Variants in KAT2B observed in about 807,000 individuals in gnomAD.
The protein encoded by KAT2B is histone acetyltransferase KAT2B.
A neutral mutation model predicts 105.9 loss-of-function variants in KAT2B; 36 were observed. The ratio of observed to expected loss-of-function variants is 0.34; its 90% CI spans 0.26 to 0.45. The LOEUF (loss-of-function observed/expected upper bound fraction) is 0.45, where lower values mean the gene tolerates loss of function less well. KAT2B is among the 20% of genes least tolerant of loss of function. The pLI, the probability that KAT2B is intolerant of heterozygous loss-of-function variation, is 1.00. For missense variants in KAT2B, 820 were observed against 1,021.6 expected (o/e 0.80, Z 2.69); for synonymous variants, 397 against 377.9 (o/e 1.05, Z -0.59).
At chr3:20,054,677 T>A (rs1329741525) in intron 1 of KAT2B, among the ~76,000 whole-genome samples, 1 of 152,198 alleles carries the variant, frequency 6.6e-6, no homozygotes, top group African/African-American at 2.4e-5. Context: ...GAGACCTGAG[T>A]AATATCATAG....
intron 6 of KAT2B, among the ~76,000 whole-genome samples, chr3:20,112,801 T>A (rs1699144108): frequency 6.6e-6 from 1 of 152,214 alleles, no homozygotes; most frequent in South Asian, 2.1e-4. Context: ...AAACTAGATT[T>A]TTATTATTCA....
intron 1 of KAT2B, among the ~76,000 whole-genome samples, chr3:20,065,324 G>A (rs1042374887): frequency 5.9e-5 from 9 of 152,166 alleles, no homozygotes; most frequent in Non-Finnish European, 1.0e-4. Flanking sequence ...TTGTCCTTCA[G>A]CTGGTACTTC....
Position 20,101,485 on chromosome 3 carries a change from T to A in KAT2B, c.851+17T>A, listed in dbSNP as rs1378970884. ...CTACACAAGGTAATCAGATGCAAGT[T>A]CTTTTCCTTTGGCCCCATAAAGCCT... On this transcript the variant is annotated intron_variant, in intron 5 of 17. Coordinates refer to ENST00000263754, the MANE Select transcript of KAT2B (RefSeq NM_003884.5). 1 of 1,610,638 alleles carries A rather than the reference T, an allele frequency of 6.2e-7. No individual in the cohort carries two copies. Among genetic ancestry groups the A allele is most frequent in the Non-Finnish European group, 8.5e-7 (1 of 1,177,208 alleles).
At position 20,136,949 on chromosome 3, in the gene KAT2B, G is replaced by C; in HGVS notation, c.1757G>C (p.Gly586Ala). The change falls in exon 12 of 18, where the codon GGA becomes GCA. Residue 586 changes from glycine (G) to alanine (A), a missense_variant. Physicochemically the swap from Gly to Ala is moderately conservative, Grantham distance 60 (BLOSUM62 0). Coordinates refer to ENST00000263754, the MANE Select transcript of KAT2B (RefSeq NM_003884.5). Reference protein sequence around the residue: ...VTSNEQVKGYGTHLMNHLKEY... With the variant: ...VTSNEQVKGYATHLMNHLKEY... The stretch of plus-strand genomic sequence containing the variant: ...ATACTAACTTCCACACAGGGCTATG[G>C]AACACACCTGATGAATCATTTGAAA... 1 of 1,595,602 alleles carries C rather than the reference G, an allele frequency of 6.3e-7. No homozygotes were observed. Among genetic ancestry groups the C allele is most frequent in the Non-Finnish European group, 8.6e-7 (1 of 1,163,670 alleles).
At chr3:20,053,271 C>A (rs370017886) in intron 1 of KAT2B, among the ~76,000 whole-genome samples, 9 of 152,148 alleles carry the variant, frequency 5.9e-5, no homozygotes, top group South Asian at 4.1e-4. Flanking sequence ...CGCCTGTAAT[C>A]CCAGGTGTGG....
intron 13 of KAT2B, 61 bp downstream of exon 13, chr3:20,140,425 C>G: frequency 6.3e-7 from 1 of 1,576,234 alleles, no homozygotes. Flanking sequence ...GGGTGGGTTG[C>G]ATTTCCTTGG....
Position 20,152,591 on chromosome 3 carries a change from T to G in KAT2B, c.*66T>G. On this transcript the variant is annotated 3_prime_UTR_variant, in exon 18 of 18. Coordinates refer to ENST00000263754, the MANE Select transcript of KAT2B (RefSeq NM_003884.5). ...GTGCCTAAAGCAAGGTGGTTTAGTT[T>G]TTTACAAAGAATTGGACATGATGTA... 2 of 1,313,500 alleles carry G rather than the reference T, an allele frequency of 1.5e-6. No individual in the cohort carries two copies. The highest frequency in any genetic ancestry group is 3.9e-5 in the Admixed American group (2 of 51,932). 81.4% of individuals were successfully genotyped at this position (1,313,500 alleles called of 1,614,324 possible).
intron 2 of KAT2B, among the ~76,000 whole-genome samples, chr3:20,088,804 A>G (rs1247920633): frequency 6.6e-6 from 1 of 152,220 alleles, no homozygotes; most frequent in Non-Finnish European, 1.5e-5. Flanking sequence ...TCATATTCAA[A>G]AAATCTTTGC....
chr3:20,087,489 C>T (rs1008539074), intron 2 of KAT2B, among the ~76,000 whole-genome samples: 1 of 152,114 alleles, frequency 6.6e-6, no homozygotes, highest in Non-Finnish European at 1.5e-5. Context: ...TATCACCTCA[C>T]ATACTTTTAA....
At chr3:20,125,554 G>T (rs1699386128) in intron 9 of KAT2B, among the ~76,000 whole-genome samples, 1 of 152,210 alleles carries the variant, frequency 6.6e-6, no homozygotes. Flanking sequence ...CATTATAGCA[G>T]AAGAAGGAGT....
At chr3:20,076,729 A>G (rs1698426962) in intron 2 of KAT2B, among the ~76,000 whole-genome samples, 1 of 152,146 alleles carries the variant, frequency 6.6e-6, no homozygotes, top group South Asian at 2.1e-4. Context: ...TTATTCATGC[A>G]GATATCTTCT....
intron 1 of KAT2B, among the ~76,000 whole-genome samples, chr3:20,043,273 AT>A (rs1697750949): frequency 6.6e-6 from 1 of 152,150 alleles, no homozygotes; most frequent in East Asian, 1.9e-4. Flanking sequence ...GGTGTCAGGC[AT>A]TGGGCTAGGT....
intron 7 of KAT2B, among the ~76,000 whole-genome samples, chr3:20,116,842 A>G (rs1699215881): frequency 6.6e-6 from 1 of 152,202 alleles, no homozygotes; most frequent in Non-Finnish European, 1.5e-5. Flanking sequence ...ATTGCCCAAG[A>G]TAGACCTTGT....
intron 2 of KAT2B, 22 bp downstream of exon 2, chr3:20,072,481 GAA>G: frequency 6.2e-7 from 1 of 1,610,926 alleles, no homozygotes; most frequent in South Asian, 1.1e-5. Flanking sequence ...AATCTTCAAG[GAA>G]AGTATAACGA....
At chr3:20,140,082 GC>G in intron 12 of KAT2B, 138 bp from the exon 13 acceptor site, 1 of 547,972 alleles carries the variant, frequency 1.8e-6, no homozygotes, top group Non-Finnish European at 3.2e-6. Context: ...GTGGTTTTAA[GC>G]TAATCCTCTT....
chr3:20,148,160 TG>T (rs140118143), intron 15 of KAT2B, 82 bp from the exon 16 acceptor site: 4 of 1,414,584 alleles, frequency 2.8e-6, no homozygotes, highest in Non-Finnish European at 4.0e-6. Context: ...TTCAGGTTTT[TG>T]TAAGAATGAG....
chr3:20,042,602 C>T (rs539607931), intron 1 of KAT2B, among the ~76,000 whole-genome samples: 2 of 152,172 alleles, frequency 1.3e-5, no homozygotes, highest in Non-Finnish European at 2.9e-5. Context: ...CCAAAGTGGG[C>T]TCATGCAGGA....
At chr3:20,134,180 A>G (rs1699560605) in intron 11 of KAT2B, among the ~76,000 whole-genome samples, 2 of 152,182 alleles carry the variant, frequency 1.3e-5, no homozygotes, top group South Asian at 2.1e-4. Flanking sequence ...GCCTTTTTGT[A>G]TCCCTAAGTT....
intron 11 of KAT2B, among the ~76,000 whole-genome samples, chr3:20,128,913 A>G (rs1268608343): frequency 6.7e-6 from 1 of 149,670 alleles, no homozygotes; most frequent in African/African-American, 2.5e-5. Flanking sequence ...AGGCTGAGGC[A>G]GGAAAATTGC....
Sources: allele counts gnomAD v4.1 joint callset (sites outside exome capture counted in the v4.1 genomes callset), GRCh38; gene constraint gnomAD v4.1.1; transcripts MANE v1.5; gene names NCBI Gene and HGNC (gene_info 2026-07-23, HGNC 2026-07-21).